Variants in TRIB2 observed in about 807,000 individuals in gnomAD.
TRIB2 encodes the protein tribbles homolog 2.
In TRIB2, 2 loss-of-function variants were observed where a neutral mutation model predicts 26.8. The ratio of observed to expected loss-of-function variants is 0.07; its 90% CI spans 0.03 to 0.24. The LOEUF is 0.24. Ranked by LOEUF, TRIB2 falls within the 10% of genes least tolerant of loss-of-function variation. The pLI is 1.00. For missense variants in TRIB2, 306 were observed against 449.0 expected (o/e 0.68, Z 2.88); for synonymous variants, 189 against 187.3 (o/e 1.01, Z -0.08).
rs113284736 is a variant in TRIB2 at position 12,740,898 on chromosome 2, C to G, written c.*104C>G. The G allele has an allele frequency of 2.0e-4, 224 of 1,097,890 alleles. 1 individual carries two copies. In the Middle Eastern group the frequency reaches 3.2e-3, roughly 16 times the overall value. The allele number at this position is 1,097,890 out of a possible 1,614,324, so 68.0% of individuals were successfully genotyped here. A position where few individuals can be genotyped will look rare whatever the true frequency, so the allele number is the denominator to read the frequency against. ...TTGCCTGGCTGAGTAGCAAGAAAGA[C>G]ACACTCTTAAGTTTCTTGGTTCAGA... On this transcript the variant is annotated 3_prime_UTR_variant, in exon 3 of 3. Coordinates refer to ENST00000155926, the MANE Select transcript of TRIB2 (RefSeq NM_021643.4). This position sits in a 1 kb window ranked among gnomAD's most constrained non-coding sequence, Gnocchi z 5.8.
At chr2:12,735,803 T>C (rs1661555337) in intron 2 of TRIB2, among the ~76,000 whole-genome samples, 1 of 152,090 alleles carries the variant, frequency 6.6e-6, no homozygotes, top group African/African-American at 2.4e-5. Flanking sequence ...GAACCAAATG[T>C]GACAAGCAGA....
chr2:12,735,157 C>T (rs1306318352), intron 2 of TRIB2, among the ~76,000 whole-genome samples: 1 of 152,208 alleles, frequency 6.6e-6, no homozygotes, highest in African/African-American at 2.4e-5. Context: ...GTAATCCAGA[C>T]CAGTTGCCTT....
chr2:12,729,874 A>G (rs1661417259), intron 2 of TRIB2, among the ~76,000 whole-genome samples: 1 of 152,204 alleles, frequency 6.6e-6, no homozygotes, highest in Non-Finnish European at 1.5e-5. Flanking sequence ...CTCTGAAATC[A>G]TGAGAAGAGA....
chr2:12,736,657 T>C (rs1312786086), intron 2 of TRIB2, among the ~76,000 whole-genome samples: 7 of 152,140 alleles, frequency 4.6e-5, no homozygotes, highest in Admixed American at 4.6e-4. Flanking sequence ...CATTGATGGA[T>C]TGTGTATCTG....
intron 2 of TRIB2, 94 bp downstream of exon 2, chr2:12,723,646 C>A: frequency 6.9e-7 from 1 of 1,439,316 alleles, no homozygotes; most frequent in Non-Finnish European, 9.3e-7. Context: ...TTTTTGCCGT[C>A]TGTGGTCCAG....
chr2:12,735,431 A>G (rs1457622455), intron 2 of TRIB2, among the ~76,000 whole-genome samples: 1 of 151,832 alleles, frequency 6.6e-6, no homozygotes, highest in East Asian at 2.0e-4. Flanking sequence ...GAACTGAGCA[A>G]CCCTGGTGTG....
chr2:12,728,230 A>G (rs1379443166), intron 2 of TRIB2, among the ~76,000 whole-genome samples: 2 of 94,306 alleles, frequency 2.1e-5, no homozygotes, highest in African/African-American at 1.6e-4. Context: ...AGGGAGCCCA[A>G]TGCCTAGCAC....
At chr2:12,726,362 C>T (rs772258182) in intron 2 of TRIB2, among the ~76,000 whole-genome samples, 3 of 152,236 alleles carry the variant, frequency 2.0e-5, no homozygotes, top group Non-Finnish European at 4.4e-5. Context: ...CTCCTGGCAG[C>T]ATTGAGTTTC....
chr2:12,718,330 C>T lies in TRIB2; in HGVS notation c.23C>T (p.Pro8Leu). 1 of 1,614,250 alleles carries T rather than the reference C, an allele frequency of 6.2e-7. No homozygotes were observed. The highest frequency in any genetic ancestry group is 8.5e-7 in the Non-Finnish European group (1 of 1,180,054). The stretch of plus-strand genomic sequence containing the variant: ...CTCATGAACATACACAGGTCTACCC[C>T]CATCACAATAGCGAGATATGGGAGA... MNIHRST[P>L]ITIARYGRSR... Residue 8 changes from proline to leucine, a missense_variant, in exon 1 of 3, where the codon CCC becomes CTC. Pro to Leu is a moderately conservative substitution (Grantham distance 98). This residue lies in a region of TRIB2 where 99 missense variants were observed against 106.5 expected (regional missense o/e 0.93). Coordinates refer to ENST00000155926, the MANE Select transcript of TRIB2 (RefSeq NM_021643.4). This position sits in a 1 kb window ranked among gnomAD's most constrained non-coding sequence, Gnocchi z 4.0.
intron 1 of TRIB2, among the ~76,000 whole-genome samples, chr2:12,721,374 AATC>A (rs1190123322): frequency 2.6e-5 from 4 of 152,256 alleles, no homozygotes; most frequent in Non-Finnish European, 4.4e-5. Context: ...GATTATAAAT[AATC>A]ATAACTCTGT....
intron 2 of TRIB2, among the ~76,000 whole-genome samples, chr2:12,727,736 A>G (rs983082041): frequency 6.6e-6 from 1 of 152,178 alleles, no homozygotes; most frequent in African/African-American, 2.4e-5. Flanking sequence ...GCCCAGAGGC[A>G]TTGAGCAGCA....
At chr2:12,723,193 A>C (rs1374208862) in intron 1 of TRIB2, 67 bp from the exon 2 acceptor site, 6 of 1,525,792 alleles carry the variant, frequency 3.9e-6, no homozygotes, top group Non-Finnish European at 4.4e-6. Flanking sequence ...TGGGAGGTGC[A>C]GCATTATGTG....
chr2:12,727,812 C>T (rs963268163), intron 2 of TRIB2, among the ~76,000 whole-genome samples: 2 of 151,568 alleles, frequency 1.3e-5, no homozygotes, highest in African/African-American at 4.8e-5. Flanking sequence ...ATCCACAGTT[C>T]GTGTAGTAAA....
At chr2:12,737,727 G>A (rs1353966434) in intron 2 of TRIB2, among the ~76,000 whole-genome samples, 1 of 152,184 alleles carries the variant, frequency 6.6e-6, no homozygotes, top group Non-Finnish European at 1.5e-5. Context: ...TGATAAAACT[G>A]GCAGAGACTT....
In TRIB2 at chr2:12,717,694, C is replaced by T. The variant is rs538000716; in HGVS notation, c.-614C>T. On this transcript the variant is annotated 5_prime_UTR_variant, in exon 1 of 3. Coordinates refer to ENST00000155926, the MANE Select transcript of TRIB2 (RefSeq NM_021643.4). This position sits in a 1 kb window ranked among gnomAD's most constrained non-coding sequence, Gnocchi z 4.8. The stretch of plus-strand genomic sequence containing the variant: ...CCATCTACAGTTAAAACGTAGGTAA[C>T]TGCCCTCTCCCGCACCCCCCCCTTA... 6.9e-5 allele frequency: 27 copies of T among 390,808 alleles called. No homozygotes were observed. In the East Asian group the frequency reaches 7.2e-4, roughly 10 times the overall value. The allele number at this position is 390,808 out of a possible 1,614,324, so 24.2% of individuals were successfully genotyped here.
chr2:12,735,783 A>G (rs1338838540), intron 2 of TRIB2, among the ~76,000 whole-genome samples: 1 of 152,134 alleles, frequency 6.6e-6, no homozygotes, highest in Non-Finnish European at 1.5e-5. Flanking sequence ...GTCCTTCTGC[A>G]GCATGTGCCG....
rs565449085 is a variant in TRIB2, at chr2:12,732,775, G to A, written c.564-7551G>A. Among the ~76,000 whole-genome samples the A allele has an allele frequency of 9.2e-5, 14 of 152,348 alleles. No individual in the cohort carries two copies. Among genetic ancestry groups the A allele is most frequent in the African/African-American group, 3.1e-4 (13 of 41,578 alleles). ...CCTTGGTAGCAGCCGCCCCGGGCGG[G>A]ACCCTGGCTTTCACAGCTGGACTGG... On this transcript the variant is annotated intron_variant, in intron 2 of 2. Coordinates refer to ENST00000155926, the MANE Select transcript of TRIB2 (RefSeq NM_021643.4). The surrounding 1 kb of genome is among the most constrained non-coding windows in gnomAD (Gnocchi z 4.2).
In TRIB2 at chr2:12,717,793, A is replaced by G; in HGVS notation, c.-515A>G. ...TGGCTGCCGTGCGTCGCCAGCCGGT[A>G]GACCCGTGCTTGTTTCCTTTCTCTT... On this transcript the variant is annotated 5_prime_UTR_variant, in exon 1 of 3. Coordinates refer to ENST00000155926, the MANE Select transcript of TRIB2 (RefSeq NM_021643.4). This position sits in a 1 kb window ranked among gnomAD's most constrained non-coding sequence, Gnocchi z 4.8. 1 of 309,690 alleles carries G rather than the reference A, an allele frequency of 3.2e-6. No homozygotes were observed. 19.2% of individuals were successfully genotyped at this position (309,690 alleles called of 1,614,324 possible).
In TRIB2 at chr2:12,718,536, C is replaced by T. The variant is rs1357934399; in HGVS notation, c.229C>T (p.Arg77Cys). 2 of 1,613,990 alleles carry T rather than the reference C, an allele frequency of 1.2e-6. No individual in the cohort carries two copies. The highest frequency in any genetic ancestry group is 1.7e-6 in the Non-Finnish European group (2 of 1,180,000). The change falls in exon 1 of 3, where the codon CGT (arginine) becomes TGT (cysteine). Residue 77 changes from arginine (R) to cysteine (C), a missense_variant. This residue lies in a region of TRIB2 where 99 missense variants were observed against 106.5 expected (regional missense o/e 0.93). Coordinates refer to ENST00000155926, the MANE Select transcript of TRIB2 (RefSeq NM_021643.4). This position sits in a 1 kb window ranked among gnomAD's most constrained non-coding sequence, Gnocchi z 4.0. ...LEPLEGDHVF[R>C]AVHLHSGEEL... ...ACCTCTGGAGGGAGACCACGTTTTT[C>T]GTGCCGTGCATCTGCACAGCGGAGA...
Sources: gnomAD v4.1 joint callset for allele counts (sites outside exome capture counted in the v4.1 genomes callset) on GRCh38, gnomAD v4.1.1 for gene constraint, gnomAD v4.1.1 regional missense constraint, Gnocchi (gnomAD v3.1) non-coding constraint, MANE v1.5 for transcripts, NCBI Gene and HGNC (gene_info 2026-07-23, HGNC 2026-07-21) for gene names.